ITPRID2: variants seen among roughly 807,000 people sequenced by gnomAD.
The protein encoded by ITPRID2 is ITPR interacting domain containing 2.
Under a neutral mutation model 124.3 loss-of-function variants are expected in ITPRID2, and 60 were observed. That is an observed-to-expected ratio of 0.48 (90% CI 0.39 to 0.60). The LOEUF (loss-of-function observed/expected upper bound fraction) is 0.60. Among genes scored for constraint, ITPRID2 ranks in the 20% least tolerant of loss-of-function variants. The pLI, the probability that ITPRID2 is intolerant of heterozygous loss-of-function variation, is 0.00. For synonymous variants in ITPRID2, 521 were observed against 542.9 expected (o/e 0.96, Z 0.56); for missense variants, 1,553 against 1,512.2 (o/e 1.03, Z -0.45).
Position 181,922,040 on chromosome 2 carries a change from C to T in ITPRID2, c.3303C>T (p.Ser1101=), listed in dbSNP as rs1321682860. ...EMGFEIPPGE[S]SESVFSQATS... is the part of the protein sequence containing the mutation. ...GATTTGAAATTCCTCCTGGAGAAAG[C>T]TCAGAATCTGTTTTTTCCCAAGCAA... The change falls in exon 16 of 18, where the codon AGC becomes AGT. Residue 1101 remains serine (S), a synonymous_variant. Transcript: ENST00000431877. 2 of 1,614,220 alleles carry T rather than the reference C, an allele frequency of 1.2e-6. No homozygotes were observed. Among genetic ancestry groups the T allele is most frequent in the South Asian group, 1.1e-5 (1 of 91,080 alleles).
intron 14 of ITPRID2, among the ~76,000 whole-genome samples, chr2:181,920,309 G>C (rs1292543238): frequency 6.6e-6 from 1 of 152,104 alleles, no homozygotes; most frequent in African/African-American, 2.4e-5. Context: ...TTTTCAACAT[G>C]GTTTTGATTT....
Position 181,922,223 on chromosome 2 carries a change from A to G in ITPRID2, c.3486A>G (p.Arg1162=), listed in dbSNP as rs374063971. ...SVALTPTAPS[R]TGSVQTPPDL... Reference sequence around the variant, plus strand: ...CTCTAACGCCAACAGCTCCTTCTAGAACAGGCTCTGTGCAGACACCTCCAG... The same window carrying G: ...CTCTAACGCCAACAGCTCCTTCTAGGACAGGCTCTGTGCAGACACCTCCAG... The change falls in exon 16 of 18, where the codon AGA becomes AGG. Residue 1162 remains arginine (R), a synonymous_variant. Coordinates refer to ENST00000431877, the MANE Select transcript of ITPRID2 (RefSeq NM_001130445.3). 4.3e-5 allele frequency: 70 copies of G among 1,614,136 alleles called. No individual in the cohort carries two copies. The highest frequency in any genetic ancestry group is 5.8e-5 in the Non-Finnish European group (69 of 1,180,054).
chr2:181,916,581 T>C, intron 11 of ITPRID2, 154 bp downstream of exon 11: 1 of 1,013,146 alleles, frequency 9.9e-7, no homozygotes, highest in Non-Finnish European at 1.4e-6. Context: ...TCGTTTTCTA[T>C]CTTCCCTCCT....
chr2:181,920,222 G>T (rs551753541), intron 14 of ITPRID2, among the ~76,000 whole-genome samples: 1 of 152,156 alleles, frequency 6.6e-6, no homozygotes, highest in East Asian at 1.9e-4. Context: ...TATAAATGAA[G>T]TAGAATAAAC....
At chr2:181,911,129 G>C (rs1693570839) in intron 9 of ITPRID2, among the ~76,000 whole-genome samples, 1 of 152,102 alleles carries the variant, frequency 6.6e-6, no homozygotes, top group South Asian at 2.1e-4. Flanking sequence ...TTCTTAGTCA[G>C]ATTTTTATAA....
intron 9 of ITPRID2, 125 bp from the exon 10 acceptor site, chr2:181,913,720 A>T: frequency 3.3e-6 from 2 of 609,342 alleles, no homozygotes; most frequent in Non-Finnish European, 2.7e-6. Flanking sequence ...GCAGTCAAAT[A>T]TTGTGTATCT....
chr2:181,913,786 A>G lies in ITPRID2; in HGVS notation c.1487-59A>G, dbSNP rs192059159. The G allele has an allele frequency of 1.7e-5, 21 of 1,243,522 alleles. No individual in the cohort carries two copies. In the Admixed American group the frequency reaches 4.1e-4, roughly 24 times the overall value. 77.0% of individuals were successfully genotyped at this position (1,243,522 alleles called of 1,614,324 possible). A position where few individuals can be genotyped will look rare whatever the true frequency, so the allele number is the denominator to read the frequency against. On this transcript the variant is annotated intron_variant, in intron 9 of 17. Transcript: ENST00000431877. The stretch of plus-strand genomic sequence containing the variant: ...AATATTGCTCTCAGTAATTTCTTAT[A>G]GCCACTTTTTTTATTTATAGATCAT...
Position 181,892,793 on chromosome 2 carries a change from G to T in ITPRID2, c.257+133G>T. On this transcript the variant is annotated intron_variant, in intron 2 of 17. Transcript: ENST00000431877. This position sits in a 1 kb window ranked among gnomAD's most constrained non-coding sequence, Gnocchi z 5.2. ...CTACAAACCGGAAAGTGAGCCGGCG[G>T]ATAGCTTCCTCCTCTAAGCGATTAG... 3.1e-6 allele frequency: 3 copies of T among 977,780 alleles called. No individual in the cohort carries two copies. The highest frequency in any genetic ancestry group is 4.7e-6 in the Non-Finnish European group (3 of 635,002). 60.6% of individuals were successfully genotyped at this position (977,780 alleles called of 1,614,324 possible).
At chr2:181,909,126 CTA>C (rs1354457494) in intron 8 of ITPRID2, among the ~76,000 whole-genome samples, 22 of 152,088 alleles carry the variant, frequency 1.4e-4, no homozygotes, top group African/African-American at 4.8e-4. Context: ...AAAAAGACAA[CTA>C]AGTTTGATAT....
chr2:181,909,560 G>A (rs751948438), intron 8 of ITPRID2, among the ~76,000 whole-genome samples: 3 of 152,116 alleles, frequency 2.0e-5, no homozygotes, highest in African/African-American at 7.2e-5. Flanking sequence ...CATATGTTGG[G>A]CTAGTTTGCA....
intron 8 of ITPRID2, among the ~76,000 whole-genome samples, chr2:181,908,786 T>C (rs1038437640): frequency 7.2e-5 from 11 of 152,164 alleles, no homozygotes; most frequent in Admixed American, 7.2e-4. Context: ...GAATATTTCT[T>C]ATTCTTGAAT....
intron 16 of ITPRID2, among the ~76,000 whole-genome samples, chr2:181,926,726 A>AAAAAGAG (rs1347413071): frequency 2.6e-5 from 4 of 151,976 alleles, no homozygotes; most frequent in Non-Finnish European, 5.9e-5. Flanking sequence ...AAAAAAAAAA[A>AAAAAGAG]AAAAGAGAAT....
rs1454168970 is a variant in ITPRID2 at position 181,908,359 on chromosome 2, C to T, written c.1414-1540C>T. The stretch of plus-strand genomic sequence containing the variant: ...ACATAAATGCAGAGGCATTGGAATT[C>T]TGCTATAATTTTTTGATCTGGTTGA... On this transcript the variant is annotated intron_variant, in intron 8 of 17. Coordinates refer to ENST00000431877, the MANE Select transcript of ITPRID2 (RefSeq NM_001130445.3). 2.6e-5 allele frequency among the ~76,000 whole-genome samples: 4 copies of T among 152,236 alleles called. No individual in the cohort carries two copies. The South Asian group carries it at 8.3e-4, about 32-fold the overall frequency.
In ITPRID2 at chr2:181,907,446, G is replaced by GT. The variant is rs10716968; in HGVS notation, c.1414-2438dup. On this transcript the variant is annotated intron_variant, in intron 8 of 17. Transcript: ENST00000431877. The surrounding 1 kb of genome is among the most constrained non-coding windows in gnomAD (Gnocchi z 5.1). ...GCAATTTTATCACTTTGGTTTAGTG[G>GT]TTTTTTTTTTTTTTTATATTATGAA... Among the ~76,000 whole-genome samples, 5,418 of 144,594 alleles carry GT rather than the reference G, an allele frequency of 0.037. 134 individuals are homozygous for GT. Among genetic ancestry groups the GT allele is most frequent in the South Asian group, 0.1 (474 of 4,618 alleles). The allele number at this position is 144,594 out of a possible 152,430, so 94.9% of individuals were successfully genotyped here.
In ITPRID2 at chr2:181,891,892, C is replaced by G. The variant is rs1012268975; in HGVS notation, c.-175C>G. Reference sequence around the variant, plus strand: ...CGCCGGCCCTCCGCCCCTTCCCTCCCCTTCCTTCCCTCCCTCCCTCCCTGT... The same window carrying G: ...CGCCGGCCCTCCGCCCCTTCCCTCCGCTTCCTTCCCTCCCTCCCTCCCTGT... On this transcript the variant is annotated 5_prime_UTR_variant, in exon 1 of 18. Coordinates refer to ENST00000431877, the MANE Select transcript of ITPRID2 (RefSeq NM_001130445.3). 3.7e-5 allele frequency: 14 copies of G among 381,324 alleles called. No individual in the cohort carries two copies. In the Admixed American group the frequency reaches 6.1e-4, roughly 17 times the overall value. 23.6% of individuals were successfully genotyped at this position (381,324 alleles called of 1,614,324 possible).
At chr2:181,916,757 T>C in intron 11 of ITPRID2, 1 of 858,606 alleles carries the variant, frequency 1.2e-6, no homozygotes, top group Non-Finnish European at 1.4e-6. Context: ...ATTTCTATTA[T>C]TAAAAAATCT....
In ITPRID2 at chr2:181,929,759, A is replaced by G. The variant is rs1281195761; in HGVS notation, c.*212A>G. Reference sequence around the variant, plus strand: ...CACTTTGCTATTTCTTTTCTAAACTATCAAAAACTCTAGCAGTTTGAAAAG... The same window carrying G: ...CACTTTGCTATTTCTTTTCTAAACTGTCAAAAACTCTAGCAGTTTGAAAAG... On this transcript the variant is annotated 3_prime_UTR_variant, in exon 18 of 18. Coordinates refer to ENST00000431877, the MANE Select transcript of ITPRID2 (RefSeq NM_001130445.3). 1 of 669,964 alleles carries G rather than the reference A, an allele frequency of 1.5e-6. No individual in the cohort carries two copies. The highest frequency in any genetic ancestry group is 2.4e-6 in the Non-Finnish European group (1 of 424,052). 41.5% of individuals were successfully genotyped at this position (669,964 alleles called of 1,614,324 possible).
Position 181,915,819 on chromosome 2 carries a change from T to C in ITPRID2, c.2179T>C (p.Phe727Leu), listed in dbSNP as rs929614964. The C allele has an allele frequency of 6.2e-6, 10 of 1,614,086 alleles. No homozygotes were observed. The African/African-American group carries it at 9.3e-5, about 15-fold the overall frequency. ...SKDLLKQRYL[F>L]AKAGYPLRRS... ...AGATTTGTTAAAACAAAGGTACTTA[T>C]TTGCAAAAGCTGGCTATCCTCTAAG... Residue 727 changes from phenylalanine to leucine, a missense_variant, in exon 11 of 18, where the codon TTT becomes CTT. Physicochemically the swap from Phe to Leu is conservative, Grantham distance 22. Transcript: ENST00000431877.
intron 8 of ITPRID2, among the ~76,000 whole-genome samples, chr2:181,903,927 G>C (rs10193899): frequency 6.6e-6 from 1 of 151,938 alleles, no homozygotes; most frequent in Non-Finnish European, 1.5e-5. Context: ...ATTAGATATG[G>C]CAGTTAATTT....
Sources: gnomAD v4.1 joint callset for allele counts (sites outside exome capture counted in the v4.1 genomes callset) on GRCh38, gnomAD v4.1.1 for gene constraint, Gnocchi (gnomAD v3.1) non-coding constraint, MANE v1.5 for transcripts, NCBI Gene and HGNC (gene_info 2026-07-23, HGNC 2026-07-21) for gene names.